Variants in MAPK10 observed in about 807,000 individuals in gnomAD.
The protein encoded by MAPK10 is JNK3 alpha protein kinase.
In MAPK10, 25 loss-of-function variants were observed where a neutral mutation model predicts 59.3. That is an observed-to-expected ratio of 0.42 (90% CI 0.31 to 0.59). The LOEUF (loss-of-function observed/expected upper bound fraction) is 0.59. Among genes scored for constraint, MAPK10 ranks in the 20% least tolerant of loss-of-function variants. MAPK10 has a pLI of 0.15. For missense variants in MAPK10, 351 were observed against 568.9 expected (o/e 0.62, Z 3.90); for synonymous variants, 190 against 200.5 (o/e 0.95, Z 0.44).
intron 3 of MAPK10, among the ~76,000 whole-genome samples, chr4:86,187,372 G>A (rs1274816106): frequency 6.6e-6 from 1 of 152,176 alleles, no homozygotes; most frequent in African/African-American, 2.4e-5. Context: ...TTCACTGGCA[G>A]GTGGCATTAT....
At chr4:86,208,684 C>G (rs1025486836) in intron 2 of MAPK10, among the ~76,000 whole-genome samples, 1 of 151,768 alleles carries the variant, frequency 6.6e-6, no homozygotes, top group Admixed American at 6.6e-5. Flanking sequence ...TGGCACAAGA[C>G]AGGGATGCCC....
At chr4:86,110,017 T>C (rs901422521) in intron 4 of MAPK10, among the ~76,000 whole-genome samples, 5 of 152,226 alleles carry the variant, frequency 3.3e-5, no homozygotes, top group Admixed American at 1.3e-4. Flanking sequence ...GTTGGCTGCA[T>C]AAATGTCTTC....
chr4:86,445,661 G>A (rs1749945889), intron 1 of MAPK10, among the ~76,000 whole-genome samples: 1 of 152,138 alleles, frequency 6.6e-6, no homozygotes, highest in South Asian at 2.1e-4. Context: ...CTATACAGGA[G>A]CAAAAATAAG....
chr4:86,146,740 T>C (rs1027959935), intron 4 of MAPK10, among the ~76,000 whole-genome samples: 2 of 152,232 alleles, frequency 1.3e-5, no homozygotes, highest in African/African-American at 4.8e-5. Flanking sequence ...CTCCACCTGA[T>C]AAATGAGAAG....
intron 4 of MAPK10, among the ~76,000 whole-genome samples, chr4:86,119,288 T>C (rs1275571831): frequency 6.6e-6 from 1 of 152,172 alleles, no homozygotes; most frequent in African/African-American, 2.4e-5. Flanking sequence ...TGCAAATTTG[T>C]TCTCAGCATG....
chr4:86,298,232 G>A (rs931751676), intron 2 of MAPK10, among the ~76,000 whole-genome samples: 3 of 151,878 alleles, frequency 2.0e-5, no homozygotes, highest in African/African-American at 7.3e-5. Context: ...TCTTGTTTTT[G>A]TTCCCCAATA....
chr4:86,340,334 C>T (rs942836383), intron 2 of MAPK10: 31 of 153,224 alleles, frequency 2.0e-4, no homozygotes, highest in Admixed American at 1.9e-3. Context: ...GTTTAATTGA[C>T]TCACAGTTCA....
At chr4:86,362,372 T>C (rs1367341586), upstream of MAPK10, among the ~76,000 whole-genome samples, 2 of 151,636 alleles carry the variant, frequency 1.3e-5, no homozygotes, top group Non-Finnish European at 2.9e-5. Flanking sequence ...TTTCTGACCT[T>C]GCAGTAGGCA....
At chr4:86,134,642 AT>A (rs2061564744) in intron 4 of MAPK10, among the ~76,000 whole-genome samples, 1 of 152,254 alleles carries the variant, frequency 6.6e-6, no homozygotes, top group South Asian at 2.1e-4. Flanking sequence ...ATTACATATT[AT>A]CTTTGTCATT....
intron 1 of MAPK10, among the ~76,000 whole-genome samples, chr4:86,417,782 T>C (rs1324701155): frequency 1.3e-5 from 2 of 152,174 alleles, no homozygotes; most frequent in Non-Finnish European, 2.9e-5. Flanking sequence ...ACCTAGAGGG[T>C]CTTACTGACC....
At chr4:86,538,554 C>T (rs1003166011) in intron 1 of MAPK10, among the ~76,000 whole-genome samples, 4 of 152,176 alleles carry the variant, frequency 2.6e-5, no homozygotes, top group Non-Finnish European at 5.9e-5. Context: ...TTTTCCTCTT[C>T]CATATAAATT....
chr4:86,590,641 C>T (rs1762973053), intron 1 of MAPK10, among the ~76,000 whole-genome samples: 1 of 152,114 alleles, frequency 6.6e-6, no homozygotes, highest in East Asian at 1.9e-4. Flanking sequence ...AAAAAATTAG[C>T]TGGGCATGGT....
At chr4:86,498,870 T>G (rs2149078316) in intron 1 of MAPK10, among the ~76,000 whole-genome samples, 1 of 152,266 alleles carries the variant, frequency 6.6e-6, no homozygotes, top group East Asian at 1.9e-4. Context: ...AACACCAAAG[T>G]GGCACTCAAA....
intron 2 of MAPK10, among the ~76,000 whole-genome samples, chr4:86,231,532 G>A (rs746718019): frequency 1.3e-5 from 2 of 151,908 alleles, no homozygotes; most frequent in Admixed American, 6.6e-5. Context: ...GCATGGTGGC[G>A]GGCACCTGTA....
At chr4:86,548,726 T>C (rs1402191088) in intron 1 of MAPK10, among the ~76,000 whole-genome samples, 2 of 152,216 alleles carry the variant, frequency 1.3e-5, no homozygotes, top group Non-Finnish European at 2.9e-5. Flanking sequence ...CATAGCAGTG[T>C]GAGAACAGAC....
In MAPK10 at chr4:86,074,532, T is replaced by C. The variant is rs1170652425; in HGVS notation, c.803-6577A>G. On this transcript the variant is annotated intron_variant, in intron 9 of 13. Transcript: ENST00000641462. ...GGCATGATTTTGCAGTGGCTGGTAC[T>C]GGTTGTTCCTTTCCATGTTTAGCGC... Among the ~76,000 whole-genome samples the C allele has an allele frequency of 2.2e-4, 30 of 133,562 alleles. 1 individual carries two copies. Among genetic ancestry groups the C allele is most frequent in the East Asian group, 6.5e-4 (3 of 4,586 alleles). 87.6% of individuals were successfully genotyped at this position (133,562 alleles called of 152,430 possible).
chr4:86,522,834 C>T (rs1450428810), intron 1 of MAPK10, among the ~76,000 whole-genome samples: 1 of 152,176 alleles, frequency 6.6e-6, no homozygotes, highest in East Asian at 1.9e-4. Flanking sequence ...TTGTTCCTCC[C>T]TCTTCACATG....
intron 11 of MAPK10, chr4:86,032,503 A>G (rs1415952969): frequency 1.3e-5 from 2 of 152,244 alleles, no homozygotes; most frequent in Non-Finnish European, 2.9e-5. Flanking sequence ...GTGAAAAACT[A>G]AAAGAGTCAC....
chr4:86,389,505 A>C lies in MAPK10; in HGVS notation c.-121-34861T>G, dbSNP rs143115059. On this transcript the variant is annotated intron_variant, in intron 1 of 13. Coordinates refer to the MAPK10 transcript ENST00000361569. ...GGAGCATGCCACACTCCCCTACGGG[A>C]TAGTTTTTAGAGTTTATTGTTTATC... 3.2e-4 allele frequency among the ~76,000 whole-genome samples: 49 copies of C among 152,276 alleles called. 1 individual carries two copies. The East Asian group carries it at 9.3e-3, about 29-fold the overall frequency.
Sources: allele counts gnomAD v4.1 joint callset (sites outside exome capture counted in the v4.1 genomes callset), GRCh38; gene constraint gnomAD v4.1.1; transcripts MANE v1.5; gene names NCBI Gene and HGNC (gene_info 2026-07-23, HGNC 2026-07-21).